Variants in DACH2 observed in about 807,000 individuals in gnomAD.
The protein encoded by DACH2 is dachshund homolog 2.
In DACH2, 17 loss-of-function variants were observed where a neutral mutation model predicts 35.8. The observed-to-expected ratio is 0.48, with a 90% CI of 0.33 to 0.71. The LOEUF (loss-of-function observed/expected upper bound fraction) is 0.71. DACH2 is among the 30% of genes least tolerant of loss of function. The pLI, the probability that DACH2 is intolerant of heterozygous loss-of-function variation, is 0.02. For synonymous variants in DACH2, 195 were observed against 177.3 expected, an observed-to-expected ratio of 1.10 and a Z score of -0.79; for missense variants, 469 against 472.7, an observed-to-expected ratio of 0.99 and a Z score of 0.07.
chrX:86,162,563 G>A (rs1485515412), intron 1 of DACH2, among the ~76,000 whole-genome samples: 1 of 109,603 alleles, frequency 9.1e-6, no homozygotes, highest in African/African-American at 3.3e-5. Flanking sequence ...TAATGAACAG[G>A]AACAAAGGAC....
chrX:86,392,226 T>C (rs997824242), intron 2 of DACH2, among the ~76,000 whole-genome samples: 40 of 111,728 alleles, frequency 3.6e-4, no homozygotes, highest in African/African-American at 1.3e-3. Context: ...TGCTTGATTC[T>C]GAATTTGATT....
At chrX:86,275,163 C>T (rs1478862491) in intron 1 of DACH2, among the ~76,000 whole-genome samples, 1 of 111,774 alleles carries the variant, frequency 8.9e-6, no homozygotes, top group African/African-American at 3.2e-5. Flanking sequence ...TTTTTTTCTC[C>T]TGTTTTACAT....
chrX:86,641,711 C>T (rs550725777), intron 3 of DACH2, among the ~76,000 whole-genome samples: 12 of 111,673 alleles, frequency 1.1e-4, no homozygotes, highest in African/African-American at 3.6e-4. Flanking sequence ...GGAAAAAGGG[C>T]GGGTAACCTA....
chrX:86,465,308 T>A (rs915885100), intron 2 of DACH2, among the ~76,000 whole-genome samples: 4 of 112,068 alleles, frequency 3.6e-5, no homozygotes, highest in African/African-American at 6.5e-5. Context: ...GTCTGGAATA[T>A]TTGCATGTTT....
At chrX:86,506,008 A>G (rs1354278692) in intron 2 of DACH2, among the ~76,000 whole-genome samples, 2 of 111,817 alleles carry the variant, frequency 1.8e-5, no homozygotes, top group East Asian at 2.8e-4. Context: ...CCAAACTAGT[A>G]TATTAGATTT....
At chrX:86,556,804 A>AGAGAGG (rs1556309019) in intron 3 of DACH2, among the ~76,000 whole-genome samples, 6 of 83,155 alleles carry the variant, frequency 7.2e-5, no homozygotes, top group Admixed American at 2.7e-4. Context: ...ATAGAGAGAG[A>AGAGAGG]GAGAGAGAGA....
chrX:86,238,955 G>A (rs2033111441), intron 1 of DACH2, among the ~76,000 whole-genome samples: 1 of 110,937 alleles, frequency 9.0e-6, no homozygotes, highest in African/African-American at 3.3e-5. Flanking sequence ...TTAGTGTGTT[G>A]TATATTTATG....
At chrX:86,491,145 T>C (rs1471113886) in intron 2 of DACH2, among the ~76,000 whole-genome samples, 1 of 112,127 alleles carries the variant, frequency 8.9e-6, no homozygotes, top group African/African-American at 3.2e-5. Context: ...AGAATAGTTC[T>C]ACATGAAAAT....
intron 2 of DACH2, among the ~76,000 whole-genome samples, chrX:86,489,707 C>T (rs748710873): frequency 1.3e-4 from 15 of 111,337 alleles, no homozygotes; most frequent in African/African-American, 3.9e-4. Flanking sequence ...TAGTCTAAAC[C>T]GCGTTCACTG....
intron 1 of DACH2, among the ~76,000 whole-genome samples, chrX:86,369,277 A>G (rs779146038): frequency 9.0e-6 from 1 of 111,410 alleles, no homozygotes; most frequent in East Asian, 2.8e-4. Flanking sequence ...TTTAAAATAG[A>G]TTTTAAATAG....
intron 1 of DACH2, among the ~76,000 whole-genome samples, chrX:86,163,626 C>G (rs946118339): frequency 9.0e-6 from 1 of 110,673 alleles, no homozygotes; most frequent in Non-Finnish European, 1.9e-5. Flanking sequence ...CTGTTGTTTA[C>G]TTTTTTGTGT....
chrX:86,209,446 A>T (rs778993886), intron 1 of DACH2, among the ~76,000 whole-genome samples: 1 of 111,826 alleles, frequency 8.9e-6, no homozygotes, highest in South Asian at 3.7e-4. Flanking sequence ...TTACTTTGAG[A>T]TTATTGTTAT....
chrX:86,319,099 A>G (rs1224848985), intron 1 of DACH2, among the ~76,000 whole-genome samples: 1 of 112,071 alleles, frequency 8.9e-6, no homozygotes, highest in Admixed American at 9.5e-5. Context: ...ATAATTGATG[A>G]GTTTTGCTAA....
chrX:86,776,833 C>T (rs767672087), intron 7 of DACH2, among the ~76,000 whole-genome samples: 1,207 of 111,086 alleles, frequency 0.011, 21 homozygotes, highest in African/African-American at 0.037. Context: ...TGAGAACATG[C>T]GGTGTTTGGT....
chrX:86,198,959 CA>C (rs1339529650), intron 1 of DACH2, among the ~76,000 whole-genome samples: 2 of 109,943 alleles, frequency 1.8e-5, no homozygotes, highest in South Asian at 8.0e-4. Context: ...AGAGACACAA[CA>C]AAAAAAGAAA....
intron 1 of DACH2, among the ~76,000 whole-genome samples, chrX:86,208,253 CT>C: frequency 9.1e-6 from 1 of 109,964 alleles, no homozygotes; most frequent in South Asian, 3.9e-4. Context: ...TTTTAGAGGA[CT>C]TTGAAATCTT....
At position 86,749,182 on chromosome X, in the gene DACH2, G is replaced by A. The variant is rs1429187482; in HGVS notation, c.1240+9300G>A. Among the ~76,000 whole-genome samples the A allele has an allele frequency of 3.6e-5, 4 of 111,805 alleles. No individual in the cohort carries two copies. In the East Asian group the frequency reaches 8.4e-4, roughly 24 times the overall value. ...TTTCTCCATATCAAGAATAAGGCTA[G>A]CTCACTTTCTTGTCATTTGTGTTTT... On this transcript the variant is annotated intron_variant, in intron 7 of 11. Coordinates refer to ENST00000373125, the MANE Select transcript of DACH2 (RefSeq NM_053281.3).
intron 1 of DACH2, among the ~76,000 whole-genome samples, chrX:86,320,115 C>T (rs893230218): frequency 5.4e-5 from 6 of 110,957 alleles, no homozygotes; most frequent in Admixed American, 3.8e-4. Context: ...TTCTGTTTTC[C>T]CTAGGAGTCC....
chrX:86,334,290 C>T (rs2035264307), intron 1 of DACH2, among the ~76,000 whole-genome samples: 1 of 111,742 alleles, frequency 8.9e-6, no homozygotes, highest in Admixed American at 9.5e-5. Context: ...ATTGCTGGGT[C>T]AAAAGGTATT....
Sources: gnomAD v4.1 joint callset for allele counts (sites outside exome capture counted in the v4.1 genomes callset) on GRCh38, gnomAD v4.1.1 for gene constraint, MANE v1.5 for transcripts, NCBI Gene and HGNC (gene_info 2026-07-23, HGNC 2026-07-21) for gene names.